Variants in INSL6 observed in about 807,000 individuals in gnomAD.
INSL6 encodes the protein insulin like 6.
INSL6 carries 16 observed loss-of-function variants against 9.4 expected under a neutral mutation model. That is an observed-to-expected ratio of 1.70 (90% confidence interval 1.15 to 2.59). The LOEUF is 2.59. Ranked by LOEUF, INSL6 falls within the 30% of genes most tolerant of loss-of-function variation. INSL6 has a pLI of 0.00. For missense variants in INSL6, 391 were observed against 257.3 expected (o/e 1.52, Z -3.56); for synonymous variants, 154 against 96.9 (o/e 1.59, Z -3.46).
the INSL6 span, among the ~76,000 whole-genome samples, chr9:5,076,215 T>C: frequency 6.6e-6 from 1 of 152,182 alleles, no homozygotes; most frequent in East Asian, 1.9e-4. Context: ...TTTGGAATTT[T>C]ACATAAACTT....
chr9:5,128,406 G>A (rs1172842852), intron 3 of INSL6, among the ~76,000 whole-genome samples: 6 of 151,590 alleles, frequency 4.0e-5, no homozygotes, highest in Non-Finnish European at 7.4e-5. Flanking sequence ...TATTTGTAAA[G>A]ACTCCTCAAG....
At chr9:5,020,647 A>T in the INSL6 span, among the ~76,000 whole-genome samples, 1 of 152,080 alleles carries the variant, frequency 6.6e-6, no homozygotes, top group Admixed American at 6.5e-5. Context: ...TTGCATTTTG[A>T]CACCTAGCGG....
the INSL6 span, among the ~76,000 whole-genome samples, chr9:5,067,655 A>AAT: frequency 4.6e-5 from 7 of 151,574 alleles, no homozygotes; most frequent in East Asian, 1.9e-4. Context: ...AATTCAAAAA[A>AAT]ATATATATAT....
At chr9:5,018,868 A>G in the INSL6 span, among the ~76,000 whole-genome samples, 1 of 152,170 alleles carries the variant, frequency 6.6e-6, no homozygotes, top group East Asian at 1.9e-4. Context: ...GATTCTGCTG[A>G]GAAATCTGCT....
chr9:5,010,308 G>A, the INSL6 span, among the ~76,000 whole-genome samples: 1 of 151,132 alleles, frequency 6.6e-6, no homozygotes, highest in African/African-American at 2.4e-5. Flanking sequence ...TATTATTCAT[G>A]CTTTAAACAA....
At chr9:5,103,594 C>A in the INSL6 span, among the ~76,000 whole-genome samples, 1 of 152,164 alleles carries the variant, frequency 6.6e-6, no homozygotes, top group Non-Finnish European at 1.5e-5. Context: ...ACAGAACCCT[C>A]CACCCCAAAT....
downstream of INSL6, among the ~76,000 whole-genome samples, chr9:5,162,833 T>G (rs1358647363): frequency 6.6e-6 from 1 of 152,168 alleles, no homozygotes; most frequent in Non-Finnish European, 1.5e-5. Context: ...TAGTATACAT[T>G]TCAGAAAGAA....
chr9:4,994,507 G>C, the INSL6 span, among the ~76,000 whole-genome samples: 1 of 152,124 alleles, frequency 6.6e-6, no homozygotes, highest in Non-Finnish European at 1.5e-5. Flanking sequence ...GAGAATTACT[G>C]ATTTAAACCA....
the INSL6 span, among the ~76,000 whole-genome samples, chr9:5,007,383 G>A: frequency 6.6e-6 from 1 of 152,022 alleles, no homozygotes; most frequent in Non-Finnish European, 1.5e-5. Context: ...CGGGTTTCTA[G>A]TTATTTTTCT....
chr9:5,054,810 A>G, the INSL6 span: 44 of 1,612,788 alleles, frequency 2.7e-5, no homozygotes, highest in Non-Finnish European at 3.7e-5. The surrounding 1 kb of genome is among the most constrained non-coding windows in gnomAD (Gnocchi z 4.9). Context: ...TTTTGCAACC[A>G]TTATAATAAC....
chr9:5,135,737 T>G (rs1824376943), intron 2 of INSL6, among the ~76,000 whole-genome samples: 1 of 150,726 alleles, frequency 6.6e-6, no homozygotes, highest in Non-Finnish European at 1.5e-5. Flanking sequence ...GCAAACAAAT[T>G]TAAAAGCTAG....
intron 1 of INSL6, among the ~76,000 whole-genome samples, chr9:5,165,943 G>C (rs1320705287): frequency 1.3e-5 from 2 of 152,142 alleles, no homozygotes; most frequent in African/African-American, 2.4e-5. Flanking sequence ...TAGCCACAGT[G>C]GAACAAACTG....
At chr9:5,020,151 G>T in the INSL6 span, among the ~76,000 whole-genome samples, 2 of 152,170 alleles carry the variant, frequency 1.3e-5, no homozygotes, top group South Asian at 2.1e-4. Context: ...CTGTCCAGTT[G>T]TCTGTGCTTA....
At chr9:5,129,252 T>A (rs2130875060) in intron 3 of INSL6, among the ~76,000 whole-genome samples, 1 of 152,168 alleles carries the variant, frequency 6.6e-6, no homozygotes. Context: ...TTTAGCATGC[T>A]CCCCCTAAAT....
At chr9:5,105,625 G>T in the INSL6 span, among the ~76,000 whole-genome samples, 10 of 152,124 alleles carry the variant, frequency 6.6e-5, no homozygotes, top group African/African-American at 2.4e-4. Flanking sequence ...TAAGCCAAAA[G>T]AACAAAGCTG....
the INSL6 span, among the ~76,000 whole-genome samples, chr9:5,034,798 T>C: frequency 5.6e-4 from 85 of 151,768 alleles, 1 homozygote; most frequent in African/African-American, 1.9e-3. Flanking sequence ...AAAGATCCAA[T>C]TGACACCCTA....
chr9:4,992,448 CAT>C, the INSL6 span, among the ~76,000 whole-genome samples: 1 of 152,144 alleles, frequency 6.6e-6, no homozygotes, highest in Non-Finnish European at 1.5e-5. Context: ...AGAAGAAAAA[CAT>C]GTGAGATGGG....
the INSL6 span, chr9:5,089,773 C>T: frequency 1.9e-6 from 3 of 1,598,720 alleles, no homozygotes; most frequent in East Asian, 4.6e-5. Flanking sequence ...TACTGAAGAG[C>T]ACCTAAGAGA....
the INSL6 span, among the ~76,000 whole-genome samples, chr9:5,022,802 G>T: frequency 6.6e-6 from 1 of 152,162 alleles, no homozygotes; most frequent in Non-Finnish European, 1.5e-5. Context: ...TTACTATAGA[G>T]CCTACTATCA....
Sources: gnomAD v4.1 joint callset for allele counts (sites outside exome capture counted in the v4.1 genomes callset) on GRCh38, gnomAD v4.1.1 for gene constraint, Gnocchi (gnomAD v3.1) non-coding constraint, MANE v1.5 for transcripts, NCBI Gene and HGNC (gene_info 2026-07-23, HGNC 2026-07-21) for gene names.